The following C2orf78 variants were observed in gnomAD, a reference collection of about 807,000 sequenced individuals.
C2orf78 encodes the protein chromosome 2 open reading frame 78.
Under a neutral mutation model 21.4 loss-of-function variants are expected in C2orf78, and 12 were observed. That is an observed-to-expected ratio of 0.56 (90% confidence interval 0.36 to 0.91). The LOEUF (loss-of-function observed/expected upper bound fraction) is 0.91, where lower values mean the gene tolerates loss of function less well. C2orf78 is among the 40% of genes least tolerant of loss of function. The probability of loss-of-function intolerance (pLI) is 0.01; values close to 1 mark genes in which losing one functional copy is unlikely to be tolerated. For missense variants in C2orf78, 1,042 were observed against 1,092.4 expected (o/e 0.95, Z 0.65); for synonymous variants, 396 against 413.9 (o/e 0.96, Z 0.52).
In C2orf78 at chr2:73,808,136, C is replaced by T. The variant is rs1573196768; in HGVS notation, c.98-5341C>T. On this transcript the variant is annotated intron_variant, in intron 1 of 2. Transcript: ENST00000409561. ...GGCTGAAGTGGCAGGCGCCTGTAGT[C>T]CCAGCTACTAAGGAGTCTGAGGCAG... Among the ~76,000 whole-genome samples, 3 of 150,920 alleles carry T rather than the reference C, an allele frequency of 2.0e-5. 1 individual carries two copies. The highest frequency in any genetic ancestry group is 7.4e-5 in the African/African-American group (3 of 40,298).
At chr2:73,810,339 C>G (rs1390797139) in intron 1 of C2orf78, among the ~76,000 whole-genome samples, 1 of 151,648 alleles carries the variant, frequency 6.6e-6, no homozygotes, top group Non-Finnish European at 1.5e-5. Context: ...ACCAGCCTGA[C>G]CAACATGGAG....
intron 1 of C2orf78, among the ~76,000 whole-genome samples, chr2:73,813,026 C>G (rs905571881): frequency 2.0e-5 from 3 of 152,164 alleles, no homozygotes; most frequent in Non-Finnish European, 4.4e-5. Context: ...GTTCTGTAAC[C>G]TGGTAATGAT....
chr2:73,816,603 C>T, exon 3 of C2orf78: 1 of 1,612,976 alleles, frequency 6.2e-7, no homozygotes, highest in Non-Finnish European at 8.5e-7. Flanking sequence ...AGCAACCCAA[C>T]CCAGTTCAGC....
intron 1 of C2orf78, among the ~76,000 whole-genome samples, chr2:73,786,308 G>A (rs948551112): frequency 2.6e-5 from 4 of 151,308 alleles, no homozygotes; most frequent in Non-Finnish European, 5.9e-5. Context: ...GAACCAGGGA[G>A]GCGCATGATG....
exon 3 of C2orf78, chr2:73,816,845 G>C: frequency 6.2e-7 from 1 of 1,614,006 alleles, no homozygotes; most frequent in Non-Finnish European, 8.5e-7. Context: ...TCACAGAAGA[G>C]CAGAGGCCAG....
intron 1 of C2orf78, among the ~76,000 whole-genome samples, chr2:73,808,245 C>G (rs185821271): frequency 1.3e-5 from 2 of 151,114 alleles, no homozygotes; most frequent in African/African-American, 2.5e-5. Flanking sequence ...CAGAGCCAGA[C>G]TCCATCTCAC....
chr2:73,815,542 A>G (rs757475138), exon 3 of C2orf78: 10 of 1,613,822 alleles, frequency 6.2e-6, no homozygotes, highest in Non-Finnish European at 8.5e-6. Flanking sequence ...TCTAGCAGTG[A>G]TTTGGCAGAC....
chr2:73,807,179 C>CAAA (rs1279850153), intron 1 of C2orf78, among the ~76,000 whole-genome samples: 1 of 47,286 alleles, frequency 2.1e-5, no homozygotes. Context: ...GACTCTGTCT[C>CAAA]AAAAAAAAAA....
intron 1 of C2orf78, among the ~76,000 whole-genome samples, chr2:73,809,854 GA>G (rs1673039720): frequency 6.6e-6 from 1 of 152,166 alleles, no homozygotes; most frequent in Non-Finnish European, 1.5e-5. Flanking sequence ...GGTGGAAAGA[GA>G]AAATGGAGAG....
At chr2:73,810,959 A>T (rs1461613928) in intron 1 of C2orf78, among the ~76,000 whole-genome samples, 1 of 141,986 alleles carries the variant, frequency 7.0e-6, no homozygotes, top group East Asian at 2.0e-4. Context: ...TATAATATAC[A>T]TGTATATTTC....
chr2:73,814,455 G>A (rs77345967), intron 2 of C2orf78, among the ~76,000 whole-genome samples: 1 of 152,306 alleles, frequency 6.6e-6, no homozygotes, highest in East Asian at 1.9e-4. Context: ...AATCGCAAGA[G>A]CATACTGAGG....
chr2:73,798,120 G>A (rs1364178557), intron 1 of C2orf78, among the ~76,000 whole-genome samples: 1 of 135,218 alleles, frequency 7.4e-6, no homozygotes, highest in African/African-American at 3.0e-5. Context: ...TGCTGTTCAA[G>A]TTACAAAAGG....
chr2:73,810,788 T>C (rs1219918230), intron 1 of C2orf78, among the ~76,000 whole-genome samples: 2 of 109,654 alleles, frequency 1.8e-5, no homozygotes, highest in African/African-American at 6.6e-5. Context: ...TATACATGTA[T>C]ATTTTATATA....
At chr2:73,816,418 G>A (rs747937462) in exon 3 of C2orf78, 61 of 1,613,762 alleles carry the variant, frequency 3.8e-5, no homozygotes, top group Non-Finnish European at 4.7e-5. Context: ...CCTCAAGCTC[G>A]ACATGTTTCT....
chr2:73,811,619 A>G (rs543047746), intron 1 of C2orf78, among the ~76,000 whole-genome samples: 7 of 152,312 alleles, frequency 4.6e-5, no homozygotes, highest in African/African-American at 1.7e-4. Context: ...TATCAGCCAC[A>G]TATCTCTAAT....
Position 73,816,621 on chromosome 2 carries a change from A to AC in C2orf78, c.2401dup (p.Gln801ProfsTer11). The AC allele has an allele frequency of 3.1e-6, 5 of 1,612,942 alleles. 1 individual carries two copies. Among genetic ancestry groups the AC allele is most frequent in the Non-Finnish European group, 4.2e-6 (5 of 1,179,422 alleles). On this transcript the variant is annotated frameshift_variant, in exon 3 of 3. Coordinates refer to ENST00000409561, the Ensembl canonical transcript of C2orf78. LOFTEE classifies it low-confidence loss of function (END_TRUNC). ...AACCCAACCCAGTTCAGCCAACCCT[A>AC]CCCAGCCTACTGTCCCTCAATCTGC...
At position 73,808,030 on chromosome 2, in the gene C2orf78, C is replaced by T. The variant is rs1032948592; in HGVS notation, c.98-5447C>T. Among the ~76,000 whole-genome samples the T allele has an allele frequency of 4.0e-5, 6 of 151,130 alleles. 1 individual carries two copies. Among genetic ancestry groups the T allele is most frequent in the African/African-American group, 4.9e-5 (2 of 40,530 alleles). ...CAGCACTTTGGGAGGCTGAGGCGAG[C>T]AGATCACAAGGTCAGGTGATCGAAC... On this transcript the variant is annotated intron_variant, in intron 1 of 2. Transcript: ENST00000409561.
intron 1 of C2orf78, among the ~76,000 whole-genome samples, chr2:73,784,681 TA>T (rs1385600062): frequency 1.3e-5 from 2 of 151,270 alleles, no homozygotes; most frequent in African/African-American, 4.9e-5. Flanking sequence ...TACTGAGTCT[TA>T]AAGGGTATAC....
At chr2:73,811,860 A>C (rs527237362) in intron 1 of C2orf78, among the ~76,000 whole-genome samples, 27 of 152,288 alleles carry the variant, frequency 1.8e-4, no homozygotes, top group Non-Finnish European at 3.7e-4. Flanking sequence ...TAAATATTAC[A>C]CTAGGATTAA....
Sources: allele counts gnomAD v4.1 joint callset (sites outside exome capture counted in the v4.1 genomes callset), GRCh38; gene constraint gnomAD v4.1.1; transcripts MANE v1.5; gene names NCBI Gene and HGNC (gene_info 2026-07-23, HGNC 2026-07-21).